Variants in SLC9A9 observed in about 807,000 individuals in gnomAD.
SLC9A9 encodes the protein solute carrier family 9 member A9, also known as sodium/hydrogen exchanger 9.
In SLC9A9, 62 loss-of-function variants were observed where a neutral mutation model predicts 77.8. The ratio of observed to expected loss-of-function variants is 0.80; its 90% CI spans 0.65 to 0.98. The LOEUF (loss-of-function observed/expected upper bound fraction) is 0.98, where lower values mean the gene tolerates loss of function less well. Ranked by LOEUF, SLC9A9 falls within the 50% of genes least tolerant of loss-of-function variation. The pLI, the probability that SLC9A9 is intolerant of heterozygous loss-of-function variation, is 0.00. For synonymous variants in SLC9A9, 320 were observed against 283.5 expected, an observed-to-expected ratio of 1.13 and a Z score of -1.29; for missense variants, 775 against 774.9, an observed-to-expected ratio of 1.00 and a Z score of 0.00.
At chr3:143,394,318 A>T (rs1373991181) in intron 12 of SLC9A9, among the ~76,000 whole-genome samples, 1 of 152,224 alleles carries the variant, frequency 6.6e-6, no homozygotes, top group Non-Finnish European at 1.5e-5. Context: ...CAATAAATGT[A>T]ATCCAGCATA....
intron 6 of SLC9A9, among the ~76,000 whole-genome samples, chr3:143,632,955 G>T (rs1400385533): frequency 6.6e-6 from 1 of 152,194 alleles, no homozygotes; most frequent in Non-Finnish European, 1.5e-5. Flanking sequence ...GTTGGCCAAA[G>T]ATTTCACTTT....
intron 14 of SLC9A9, among the ~76,000 whole-genome samples, chr3:143,326,874 G>A (rs575558803): frequency 1.3e-5 from 2 of 152,320 alleles, no homozygotes; most frequent in African/African-American, 2.4e-5. Context: ...AATCAATGAA[G>A]TGTTATATCT....
At chr3:143,274,267 G>T (rs1476158242) in intron 14 of SLC9A9, among the ~76,000 whole-genome samples, 1 of 152,102 alleles carries the variant, frequency 6.6e-6, no homozygotes, top group Non-Finnish European at 1.5e-5. Context: ...CTCCATTCAG[G>T]AATACTGTAC....
intron 14 of SLC9A9, among the ~76,000 whole-genome samples, chr3:143,290,861 G>T (rs1324101530): frequency 6.6e-6 from 1 of 152,138 alleles, no homozygotes; most frequent in Non-Finnish European, 1.5e-5. Flanking sequence ...ATGTACTATG[G>T]AACCTACTTT....
chr3:143,475,312 A>C (rs2035456157), intron 11 of SLC9A9, among the ~76,000 whole-genome samples: 1 of 151,404 alleles, frequency 6.6e-6, no homozygotes, highest in African/African-American at 2.4e-5. Context: ...GATCTTGTTT[A>C]TATTCTGGTC....
At chr3:143,413,469 G>A (rs370420141) in intron 12 of SLC9A9, among the ~76,000 whole-genome samples, 12 of 152,180 alleles carry the variant, frequency 7.9e-5, no homozygotes, top group Non-Finnish European at 1.6e-4. Flanking sequence ...ACCTCAGAGA[G>A]ATATGCTGGA....
At chr3:143,417,499 G>T (rs2034217040) in intron 12 of SLC9A9, among the ~76,000 whole-genome samples, 1 of 150,238 alleles carries the variant, frequency 6.7e-6, no homozygotes, top group South Asian at 2.2e-4. Flanking sequence ...GGGAGAGGGA[G>T]GGAGGAGGGG....
rs148027339 is a variant in SLC9A9 at position 143,366,111 on chromosome 3, G to A, written c.1525-2548C>T. On this transcript the variant is annotated intron_variant, in intron 13 of 15. Transcript: ENST00000316549. The stretch of plus-strand genomic sequence containing the variant: ...TTTTAATGTAAGGGTGGGCAGTGTT[G>A]TGGTGAGCTATACTGGCAATCAGGG... Among the ~76,000 whole-genome samples the A allele has an allele frequency of 7.8e-3, 1,185 of 152,278 alleles. 5 individuals are homozygous for A. Among genetic ancestry groups the A allele is most frequent in the Non-Finnish European group, 0.013 (905 of 68,016 alleles).
At chr3:143,428,034 T>C (rs148470075) in intron 12 of SLC9A9, among the ~76,000 whole-genome samples, 173 of 152,264 alleles carry the variant, frequency 1.1e-3, no homozygotes, top group African/African-American at 4.0e-3. Flanking sequence ...TGGGCAAGGA[T>C]TTTTAAAAAT....
At chr3:143,615,012 A>G (rs2038080674) in intron 6 of SLC9A9, among the ~76,000 whole-genome samples, 2 of 152,188 alleles carry the variant, frequency 1.3e-5, no homozygotes. Flanking sequence ...GGGGTGGGAC[A>G]GGGAGACAGC....
At chr3:143,561,203 T>C (rs1031578465) in intron 8 of SLC9A9, among the ~76,000 whole-genome samples, 1 of 151,996 alleles carries the variant, frequency 6.6e-6, no homozygotes, top group South Asian at 2.1e-4. Context: ...GTAAATAAAT[T>C]GAGTTGAAGG....
At chr3:143,646,853 T>C (rs1289614084) in intron 6 of SLC9A9, among the ~76,000 whole-genome samples, 1 of 152,224 alleles carries the variant, frequency 6.6e-6, no homozygotes, top group Non-Finnish European at 1.5e-5. Context: ...AGTATGATTA[T>C]TCTTTTTTGA....
chr3:143,470,232 T>G (rs2035354834), intron 11 of SLC9A9, among the ~76,000 whole-genome samples: 1 of 151,996 alleles, frequency 6.6e-6, no homozygotes, highest in South Asian at 2.1e-4. Context: ...TCTCAGCACT[T>G]TGGGAGGCTG....
At chr3:143,362,062 C>T (rs2032768972) in intron 14 of SLC9A9, among the ~76,000 whole-genome samples, 1 of 152,134 alleles carries the variant, frequency 6.6e-6, no homozygotes. Flanking sequence ...AATTCTGCTT[C>T]CAAAGAGAGA....
At position 143,445,991 on chromosome 3, in the gene SLC9A9, G is replaced by A. The variant is rs570423228; in HGVS notation, c.1469+21046C>T. Reference sequence around the variant, plus strand: ...AGTTTAAGAAAGAGTGAGAAGAAAGGATTGGTAGACACTATGAATTATAGC... The same window carrying A: ...AGTTTAAGAAAGAGTGAGAAGAAAGAATTGGTAGACACTATGAATTATAGC... On this transcript the variant is annotated intron_variant, in intron 12 of 15. Coordinates refer to ENST00000316549, the MANE Select transcript of SLC9A9 (RefSeq NM_173653.4). 1.2e-4 allele frequency among the ~76,000 whole-genome samples: 19 copies of A among 152,232 alleles called. No individual in the cohort carries two copies. In the South Asian group the frequency reaches 3.5e-3, roughly 28 times the overall value.
intron 5 of SLC9A9, among the ~76,000 whole-genome samples, chr3:143,670,301 G>A (rs745523366): frequency 3.3e-5 from 5 of 152,188 alleles, no homozygotes; most frequent in Non-Finnish European, 4.4e-5. Context: ...CAAATCATGC[G>A]GATGGAGCCC....
chr3:143,561,424 T>C (rs2108646624), intron 8 of SLC9A9, among the ~76,000 whole-genome samples: 1 of 152,150 alleles, frequency 6.6e-6, no homozygotes, highest in Admixed American at 6.5e-5. Context: ...ATAGACCCAA[T>C]GTAAGCAGAA....
intron 14 of SLC9A9, among the ~76,000 whole-genome samples, chr3:143,351,675 T>C (rs1160709278): frequency 2.6e-5 from 4 of 152,214 alleles, no homozygotes; most frequent in Non-Finnish European, 5.9e-5. Flanking sequence ...AAGAGACTTA[T>C]GTACTCATCA....
chr3:143,793,957 A>C (rs1457626108), intron 4 of SLC9A9, among the ~76,000 whole-genome samples: 1 of 152,220 alleles, frequency 6.6e-6, no homozygotes, highest in South Asian at 2.1e-4. Flanking sequence ...ATAGGCTTGC[A>C]AACCTCCCTT....
Sources: gnomAD v4.1 joint callset for allele counts (sites outside exome capture counted in the v4.1 genomes callset) on GRCh38, gnomAD v4.1.1 for gene constraint, MANE v1.5 for transcripts, NCBI Gene and HGNC (gene_info 2026-07-23, HGNC 2026-07-21) for gene names.